CUBN: variants seen among roughly 807,000 people sequenced by gnomAD.
CUBN encodes 460 kDa receptor.
A neutral mutation model predicts 405.3 loss-of-function variants in CUBN; 282 were observed. The ratio of observed to expected loss-of-function variants is 0.70; its 90% CI spans 0.63 to 0.77. The LOEUF is 0.77. CUBN is among the 30% of genes least tolerant of loss of function. CUBN has a pLI of 0.00. For missense variants in CUBN, 4,514 were observed against 4,475.2 expected, an observed-to-expected ratio of 1.01 and a Z score of -0.25; for synonymous variants, 1,684 against 1,617.0, an observed-to-expected ratio of 1.04 and a Z score of -0.99.
chr10:16,998,438 G>C (rs1481176802), intron 28 of CUBN, among the ~76,000 whole-genome samples: 1 of 152,192 alleles, frequency 6.6e-6, no homozygotes, highest in African/African-American at 2.4e-5. Context: ...GCTAGAAGCA[G>C]CAAGGAAGGG....
intron 48 of CUBN, among the ~76,000 whole-genome samples, chr10:16,909,675 A>G (rs566007159): frequency 3.0e-4 from 46 of 152,338 alleles, no homozygotes; most frequent in African/African-American, 1.1e-3. Flanking sequence ...TGAACATGTT[A>G]TAGTCATCCA....
At chr10:16,934,287 T>C (rs1379839556) in intron 39 of CUBN, among the ~76,000 whole-genome samples, 1 of 152,210 alleles carries the variant, frequency 6.6e-6, no homozygotes, top group Non-Finnish European at 1.5e-5. Context: ...TTTTAACAAT[T>C]ATTTTTGCCA....
At chr10:17,110,288 G>C (rs1836741018) in intron 9 of CUBN, among the ~76,000 whole-genome samples, 1 of 152,220 alleles carries the variant, frequency 6.6e-6, no homozygotes, top group Admixed American at 6.5e-5. Flanking sequence ...ACTCAGGAGT[G>C]CATGATATTA....
chr10:17,115,670 GAA>G (rs1836877226), intron 6 of CUBN, 73 bp from the exon 7 acceptor site: 2 of 1,532,180 alleles, frequency 1.3e-6, no homozygotes, highest in Admixed American at 3.3e-5. Context: ...ATATCAATGA[GAA>G]AAATAATTCA....
Position 16,933,232 on chromosome 10 carries a change from GGAGAA to G in CUBN, c.5974_5978del (p.Phe1992ProfsTer5), listed in dbSNP as rs755075246. ...TACTGTAACTGTCAGGCCAGCCCGG[GGAGAA>G]GAGAAACACGGGTGCATCTCCCGTC... On this transcript the variant is annotated frameshift_variant, in exon 40 of 67. Transcript: ENST00000377833. LOFTEE classifies it high-confidence loss of function. 4.3e-6 allele frequency: 7 copies of G among 1,613,890 alleles called. No homozygotes were observed. The highest frequency in any genetic ancestry group is 5.9e-6 in the Non-Finnish European group (7 of 1,179,998).
At chr10:16,889,320 TGATTCA>T (rs769456750) in intron 55 of CUBN, among the ~76,000 whole-genome samples, 2 of 152,192 alleles carry the variant, frequency 1.3e-5, no homozygotes, top group Non-Finnish European at 2.9e-5. Context: ...CAGCACTCTC[TGATTCA>T]GTCTGAAAAA....
Position 16,835,036 on chromosome 10 carries a change from T to A in CUBN, c.10340A>T (p.Glu3447Val). The stretch of plus-strand genomic sequence containing the variant: ...CACCTCCAAGAAATCGTTTCTGCAT[T>A]CAACTGAGTTCTCGATGCCAAGTGA... The part of the protein sequence containing the change: ...FHSLGIENSV[E>V]CRNDFLEVRN... The change falls in exon 64 of 67, where the codon GAA becomes GTA. Residue 3447 changes from glutamate to valine, a missense_variant. This residue lies in a region of CUBN where 1,186 missense variants were observed against 1,186.9 expected (regional missense o/e 1.00). Coordinates refer to ENST00000377833, the MANE Select transcript of CUBN (RefSeq NM_001081.4). 2.5e-6 allele frequency: 4 copies of A among 1,614,166 alleles called. No homozygotes were observed. Among genetic ancestry groups the A allele is most frequent in the Non-Finnish European group, 3.4e-6 (4 of 1,179,992 alleles).
chr10:17,037,134 A>G (rs972654281), intron 27 of CUBN, among the ~76,000 whole-genome samples: 4 of 152,222 alleles, frequency 2.6e-5, no homozygotes, highest in Non-Finnish European at 5.9e-5. Flanking sequence ...TAGTTTGAAT[A>G]GTGCTATTCC....
At position 16,869,635 on chromosome 10, in the gene CUBN, C is replaced by T. The variant is rs1476278312; in HGVS notation, c.9454+1G>A. On this transcript the variant is annotated splice_donor_variant, in intron 59 of 66. Coordinates refer to ENST00000377833, the MANE Select transcript of CUBN (RefSeq NM_001081.4). LOFTEE classifies it high-confidence loss of function. ...TAGATTTACAAGTCCAGAATTCTTACCCAATGTCTGCCGGAAAGACATCTT... is the reference window on the plus strand; with the variant it reads ...TAGATTTACAAGTCCAGAATTCTTATCCAATGTCTGCCGGAAAGACATCTT... 4 of 1,608,260 alleles carry T rather than the reference C, an allele frequency of 2.5e-6. No homozygotes were observed. Among genetic ancestry groups the T allele is most frequent in the Non-Finnish European group, 3.4e-6 (4 of 1,175,590 alleles).
chr10:17,105,615 C>T, intron 10 of CUBN, 40 bp from the exon 11 acceptor site: 2 of 1,115,116 alleles, frequency 1.8e-6, no homozygotes, highest in Non-Finnish European at 2.7e-6. Flanking sequence ...TACAGGTCTC[C>T]TCCTCTGTTC....
At chr10:16,919,776 TA>T (rs1453300588) in intron 44 of CUBN, among the ~76,000 whole-genome samples, 186 bp downstream of exon 44, 1 of 152,178 alleles carries the variant, frequency 6.6e-6, no homozygotes, top group South Asian at 2.1e-4. Flanking sequence ...TCCACGTACA[TA>T]ACCGGCTCAG....
chr10:17,104,308 T>C (rs1836567316), intron 12 of CUBN, 111 bp downstream of exon 12: 3 of 892,878 alleles, frequency 3.4e-6, no homozygotes, highest in Admixed American at 3.9e-5. Context: ...TCTCAGTATC[T>C]GAGCAACTGG....
intron 28 of CUBN, among the ~76,000 whole-genome samples, chr10:17,000,142 A>G (rs1833838486): frequency 6.6e-6 from 1 of 152,146 alleles, no homozygotes; most frequent in South Asian, 2.1e-4. Context: ...GCTCCACCCC[A>G]TTCCCATGGT....
chr10:16,871,538 A>C (rs148629926), intron 58 of CUBN, among the ~76,000 whole-genome samples: 3 of 152,048 alleles, frequency 2.0e-5, no homozygotes, highest in Non-Finnish European at 4.4e-5. Flanking sequence ...ACTGATGAGG[A>C]ACAAGATGAA....
intron 33 of CUBN, among the ~76,000 whole-genome samples, chr10:16,951,852 CTCT>C (rs1842930122): frequency 2.6e-5 from 4 of 152,146 alleles, no homozygotes; most frequent in South Asian, 2.1e-4. Context: ...CAGTCTGTGA[CTCT>C]TCTTCATTTG....
At chr10:16,854,021 T>A (rs1478908950) in intron 59 of CUBN, among the ~76,000 whole-genome samples, 1 of 152,076 alleles carries the variant, frequency 6.6e-6, no homozygotes, top group Non-Finnish European at 1.5e-5. Context: ...ATTTAGAAAA[T>A]GATAGGTTCA....
In CUBN at chr10:16,851,350, A is replaced by C. The variant is rs775588178; in HGVS notation, c.9548T>G (p.Leu3183Ter). The C allele has an allele frequency of 6.2e-7, 1 of 1,614,166 alleles. No homozygotes were observed. Among genetic ancestry groups the C allele is most frequent in the South Asian group, 1.1e-5 (1 of 91,088 alleles). ...TGCAATTATGATCCATACACAGTTT[A>C]AATTCTTGTCATACATTCCATTCGA... The part of the protein sequence containing the change: ...SDSNGMYDKN[L>*]NCVWIIIAPV... The change falls in exon 60 of 67, where the codon TTA (leucine) becomes TGA (stop). Residue 3183 changes from leucine (L) to a stop codon, truncating the protein, a stop_gained. Transcript: ENST00000377833. LOFTEE classifies it high-confidence loss of function.
chr10:16,949,434 GGTGTGT>G (rs59878960), intron 34 of CUBN, among the ~76,000 whole-genome samples: 38 of 108,860 alleles, frequency 3.5e-4, no homozygotes, highest in Admixed American at 1.7e-3. Context: ...TAAATGGCCT[GGTGTGT>G]GTGTGTGTGT....
chr10:17,079,371 G>C (rs1259275064), intron 17 of CUBN, among the ~76,000 whole-genome samples: 1 of 151,632 alleles, frequency 6.6e-6, no homozygotes, highest in Non-Finnish European at 1.5e-5. Context: ...AAGTAGCTGG[G>C]ATTACAGGTG....
Sources: gnomAD v4.1 joint callset for allele counts (sites outside exome capture counted in the v4.1 genomes callset) on GRCh38, gnomAD v4.1.1 for gene constraint, gnomAD v4.1.1 regional missense constraint, MANE v1.5 for transcripts, NCBI Gene and HGNC (gene_info 2026-07-23, HGNC 2026-07-21) for gene names.